VPS13B: variants seen among roughly 807,000 people sequenced by gnomAD.
VPS13B encodes the protein vacuolar protein sorting 13 homolog B.
In VPS13B, 285 loss-of-function variants were observed where a neutral mutation model predicts 426.4. The observed-to-expected ratio is 0.67, with a 90% CI of 0.61 to 0.74. The LOEUF (loss-of-function observed/expected upper bound fraction) is 0.74. Ranked by LOEUF, VPS13B falls within the 30% of genes least tolerant of loss-of-function variation. The pLI is 0.00. For synonymous variants in VPS13B, 1,676 were observed against 1,676.4 expected, an observed-to-expected ratio of 1.00 and a Z score of 0.01; for missense variants, 4,537 against 4,782.6, an observed-to-expected ratio of 0.95 and a Z score of 1.51.
intron 35 of VPS13B, chr8:99,696,970 A>G: frequency 1.6e-6 from 1 of 638,378 alleles, no homozygotes; most frequent in Non-Finnish European, 2.9e-6. Context: ...CTGAACGTCA[A>G]GGGGCTGCAG....
At chr8:99,325,515 G>A (rs1180766576) in intron 19 of VPS13B, among the ~76,000 whole-genome samples, 1 of 152,122 alleles carries the variant, frequency 6.6e-6, no homozygotes, top group African/African-American at 2.4e-5. Flanking sequence ...CTAAGTAAAT[G>A]GTACCTCCCT....
At chr8:99,867,974 G>A in intron 58 of VPS13B, 1 of 367,890 alleles carries the variant, frequency 2.7e-6, no homozygotes, top group South Asian at 2.2e-5. Flanking sequence ...TCTCAACTTT[G>A]TTGCCTGACT....
chr8:99,187,666 A>G (rs770446687), intron 16 of VPS13B, among the ~76,000 whole-genome samples: 3 of 152,064 alleles, frequency 2.0e-5, no homozygotes, highest in Admixed American at 6.6e-5. Context: ...GATCTTACAT[A>G]CTAATTAAGA....
chr8:99,486,179 A>G (rs1820299022), intron 25 of VPS13B, among the ~76,000 whole-genome samples: 1 of 151,396 alleles, frequency 6.6e-6, no homozygotes, highest in African/African-American at 2.4e-5. Context: ...GTCTTATCAT[A>G]TAAGTAGTAT....
At chr8:99,370,868 C>A (rs574085267) in intron 19 of VPS13B, among the ~76,000 whole-genome samples, 1 of 152,162 alleles carries the variant, frequency 6.6e-6, no homozygotes, top group Admixed American at 6.5e-5. Flanking sequence ...TCTCGGCCTC[C>A]CAAAGTGCTG....
chr8:99,832,616 C>G lies in VPS13B; in HGVS notation c.9578C>G (p.Pro3193Arg), dbSNP rs1169330383. 1 of 1,613,688 alleles carries G rather than the reference C, an allele frequency of 6.2e-7. No individual in the cohort carries two copies. Among genetic ancestry groups the G allele is most frequent in the Admixed American group, 1.7e-5 (1 of 60,002 alleles). Residue 3193 changes from proline to arginine, a missense_variant, in exon 52 of 62, where the codon CCC becomes CGC. Physicochemically the swap from Pro to Arg is moderately radical, Grantham distance 103. Coordinates refer to ENST00000357162, the MANE Select transcript of VPS13B (RefSeq NM_152564.5). ...TTTCCCAGACAGAGTGTGGCAGTAC[C>G]CCTCGGGAATTTCCGGGAAAATGGA... ...PEFPRQSVAV[P>R]LGNFRENGFC...
intron 59 of VPS13B, among the ~76,000 whole-genome samples, chr8:99,869,114 CTG>C (rs1817258962): frequency 6.6e-6 from 1 of 152,264 alleles, no homozygotes; most frequent in Non-Finnish European, 1.5e-5. Flanking sequence ...GGCTTATTTT[CTG>C]TGTTCTTGGC....
rs897384139 is a variant in VPS13B, at chr8:99,766,365, C to T, written c.7051-409C>T. ...TCCCAAAGTGCCGGGATTACAGGCA[C>T]AAGCCACCATGCCTGGCTGGCACCT... On this transcript the variant is annotated intron_variant, in intron 39 of 61. Coordinates refer to ENST00000357162, the MANE Select transcript of VPS13B (RefSeq NM_152564.5). Among the ~76,000 whole-genome samples the T allele has an allele frequency of 1.3e-5, 2 of 152,248 alleles. 1 individual carries two copies. Among genetic ancestry groups the T allele is most frequent in the East Asian group, 3.9e-4 (2 of 5,180 alleles).
chr8:99,029,226 G>A (rs1446459970), intron 2 of VPS13B, among the ~76,000 whole-genome samples: 3 of 149,558 alleles, frequency 2.0e-5, no homozygotes, highest in East Asian at 2.0e-4. Context: ...GGATGGCGGC[G>A]GGGAAGAGGC....
At chr8:99,696,773 C>T (rs1045951075) in intron 35 of VPS13B, 12 of 1,404,476 alleles carry the variant, frequency 8.5e-6, no homozygotes, top group South Asian at 5.7e-5. Flanking sequence ...GGAAATCATG[C>T]GTTTTTCCAA....
chr8:99,525,898 T>C (rs1822613573), intron 30 of VPS13B, among the ~76,000 whole-genome samples: 1 of 152,080 alleles, frequency 6.6e-6, no homozygotes, highest in Admixed American at 6.6e-5. Context: ...GAGAAGCCAG[T>C]GGTGGCTGGA....
In VPS13B at chr8:99,162,469, G is replaced by A. The variant is rs187577205; in HGVS notation, c.2208+5726G>A. On this transcript the variant is annotated intron_variant, in intron 15 of 61. Transcript: ENST00000357162. ...CACTGACTTCAAGAATGAAGCCGCG[G>A]ACCCTCGCGGTGAGTGTTACAGCTC... 3.7e-3 allele frequency among the ~76,000 whole-genome samples: 559 copies of A among 152,310 alleles called. 3 individuals are homozygous for A. The highest frequency in any genetic ancestry group is 0.012 in the African/African-American group (519 of 41,562).
intron 36 of VPS13B, among the ~76,000 whole-genome samples, chr8:99,704,123 T>C (rs969863610): frequency 1.3e-5 from 2 of 152,252 alleles, no homozygotes; most frequent in Admixed American, 6.5e-5. Flanking sequence ...TTGAACTCCT[T>C]CTAGTCAAAG....
intron 7 of VPS13B, among the ~76,000 whole-genome samples, chr8:99,118,561 C>T (rs540475399): frequency 4.6e-5 from 7 of 152,178 alleles, no homozygotes; most frequent in South Asian, 2.1e-4. Context: ...CCTGCCTCCC[C>T]GCGAGAAAAC....
At chr8:99,697,367 G>T (rs996121178) in intron 35 of VPS13B, 15 of 588,526 alleles carry the variant, frequency 2.5e-5, no homozygotes, top group African/African-American at 3.7e-5. Flanking sequence ...AGCCAGAAGT[G>T]CCTGAAGCAG....
At chr8:99,766,648 T>G in intron 39 of VPS13B, 126 bp from the exon 40 acceptor site, 1 of 803,812 alleles carries the variant, frequency 1.2e-6, no homozygotes, top group East Asian at 2.7e-5. Context: ...CTACTGTCTT[T>G]TATAACCTTA....
At chr8:99,699,402 G>A (rs979361542) in intron 35 of VPS13B, 123 bp from the exon 36 acceptor site, 11 of 1,014,036 alleles carry the variant, frequency 1.1e-5, no homozygotes, top group Non-Finnish European at 1.5e-5. Flanking sequence ...TCATGTTCAG[G>A]CATCCTAATG....
chr8:99,315,814 T>C (rs1320663778), intron 19 of VPS13B, among the ~76,000 whole-genome samples: 1 of 152,158 alleles, frequency 6.6e-6, no homozygotes, highest in East Asian at 1.9e-4. Context: ...TTTTTTTGTA[T>C]TGGAATTTGT....
At chr8:99,556,395 G>T (rs767457198) in intron 30 of VPS13B, 55 bp from the exon 31 acceptor site, 86 of 1,553,044 alleles carry the variant, frequency 5.5e-5, no homozygotes, top group Non-Finnish European at 7.0e-5. Flanking sequence ...AACATAGAAT[G>T]GTTATTTTAT....
Sources: allele counts gnomAD v4.1 joint callset (sites outside exome capture counted in the v4.1 genomes callset), GRCh38; gene constraint gnomAD v4.1.1; transcripts MANE v1.5; gene names NCBI Gene and HGNC (gene_info 2026-07-23, HGNC 2026-07-21).